Variants in FGF18 observed in about 807,000 individuals in gnomAD.
FGF18 encodes the protein fibroblast growth factor 18.
In FGF18, 5 loss-of-function variants were observed where a neutral mutation model predicts 23.0. The ratio of observed to expected loss-of-function variants is 0.22; its 90% CI spans 0.11 to 0.46. FGF18 has a LOEUF of 0.46. FGF18 is among the 20% of genes least tolerant of loss of function. The pLI is 0.99. For synonymous variants in FGF18, 117 were observed against 118.9 expected (o/e 0.98, Z 0.10); for missense variants, 180 against 291.6 (o/e 0.62, Z 2.79).
intron 3 of FGF18, among the ~76,000 whole-genome samples, chr5:171,439,048 C>T (rs1040907398): frequency 2.0e-5 from 3 of 152,240 alleles, no homozygotes; most frequent in East Asian, 1.9e-4. Flanking sequence ...GATACATCCC[C>T]GTAAACACCT....
chr5:171,446,829 G>T (rs551611494), intron 3 of FGF18, among the ~76,000 whole-genome samples: 6 of 152,036 alleles, frequency 3.9e-5, no homozygotes, highest in Admixed American at 6.5e-5. Flanking sequence ...AACTAGACCC[G>T]GTGAGCCCCA....
chr5:171,430,621 T>C lies in FGF18; in HGVS notation c.70-5472T>C, dbSNP rs890142361. ...GGCTAACAAGGTGAAACCCCGTCTC[T>C]ACTAAAAATACAAAAAATTAGCCGG... On this transcript the variant is annotated intron_variant, in intron 2 of 4. Coordinates refer to ENST00000274625, the MANE Select transcript of FGF18 (RefSeq NM_003862.3). Among the ~76,000 whole-genome samples the C allele has an allele frequency of 2.8e-5, 4 of 144,676 alleles. 2 individuals carry two copies. The highest frequency in any genetic ancestry group is 1.1e-4 in the African/African-American group (4 of 36,366). 94.9% of individuals were successfully genotyped at this position (144,676 alleles called of 152,430 possible).
At chr5:171,445,159 C>T (rs983882483) in intron 3 of FGF18, among the ~76,000 whole-genome samples, 4 of 151,966 alleles carry the variant, frequency 2.6e-5, no homozygotes, top group Admixed American at 6.6e-5. Context: ...GGCAGAGGAA[C>T]GACATGTGCA....
intron 2 of FGF18, among the ~76,000 whole-genome samples, chr5:171,424,996 C>T (rs1370204137): frequency 2.0e-5 from 3 of 152,314 alleles, no homozygotes; most frequent in Admixed American, 6.5e-5. Context: ...GGCAGCCCAT[C>T]GGTCACAGAT....
chr5:171,442,326 A>G (rs1462351320), intron 3 of FGF18, among the ~76,000 whole-genome samples: 4 of 152,052 alleles, frequency 2.6e-5, no homozygotes, highest in Non-Finnish European at 5.9e-5. Flanking sequence ...CTTCTCCTCC[A>G]TTGCCACCTC....
chr5:171,435,833 T>C (rs931608094), intron 2 of FGF18, among the ~76,000 whole-genome samples: 11 of 152,184 alleles, frequency 7.2e-5, no homozygotes, highest in African/African-American at 2.7e-4. Flanking sequence ...GAAGCTTTGT[T>C]GTCGCATAGA....
intron 2 of FGF18, among the ~76,000 whole-genome samples, chr5:171,431,326 C>G (rs534835122): frequency 6.6e-6 from 1 of 152,052 alleles, no homozygotes; most frequent in South Asian, 2.1e-4. Flanking sequence ...TGGCTGTTGT[C>G]CTGGGTAATA....
rs768525232 is a variant in FGF18 at position 171,436,254 on chromosome 5, C to T, written c.231C>T (p.Gly77=). The change falls in exon 3 of 5, where the codon GGC becomes GGT. Residue 77 remains glycine, a synonymous_variant. Coordinates refer to ENST00000274625, the MANE Select transcript of FGF18 (RefSeq NM_003862.3). The surrounding 1 kb of genome is among the most constrained non-coding windows in gnomAD (Gnocchi z 4.4). ...TGGGCCGCAGGATCAGTGCCCGCGG[C>T]GAGGATGGGGACAAGTATGGTATGT... ...QVLGRRISAR[G]EDGDKYAQLL... The T allele has an allele frequency of 1.8e-5, 29 of 1,590,634 alleles. No individual in the cohort carries two copies. The highest frequency in any genetic ancestry group is 4.1e-5 in the African/African-American group (3 of 73,918).
At chr5:171,444,028 C>T (rs1442506941) in intron 3 of FGF18, among the ~76,000 whole-genome samples, 1 of 146,672 alleles carries the variant, frequency 6.8e-6, no homozygotes, top group East Asian at 2.0e-4. Flanking sequence ...TGGCTGTGGT[C>T]GCAGCCCAGC....
chr5:171,453,395 G>A (rs1004762640), intron 4 of FGF18, among the ~76,000 whole-genome samples: 18 of 152,346 alleles, frequency 1.2e-4, no homozygotes, highest in Non-Finnish European at 1.2e-4. Flanking sequence ...TTGAGCCCGC[G>A]TGACTGGCAC....
At position 171,449,245 on chromosome 5, in the gene FGF18, G is replaced by A. The variant is rs765232190; in HGVS notation, c.349G>A (p.Val117Met). ...GTGCATGAACCGCAAAGGCAAGCTCGTGGGGAAGGTGAGTGATGGTTTGGG... is the reference window on the plus strand; with the variant it reads ...GTGCATGAACCGCAAAGGCAAGCTCATGGGGAAGGTGAGTGATGGTTTGGG... ...YLCMNRKGKL[V>M]GKPDGTSKEC... The change falls in exon 4 of 5, where the codon GTG (valine) becomes ATG (methionine). Residue 117 changes from valine (V) to methionine (M), a missense_variant. Coordinates refer to ENST00000274625, the MANE Select transcript of FGF18 (RefSeq NM_003862.3). The A allele has an allele frequency of 4.3e-6, 7 of 1,612,994 alleles. No individual in the cohort carries two copies. Among genetic ancestry groups the A allele is most frequent in the East Asian group, 2.2e-5 (1 of 44,874 alleles).
intron 4 of FGF18, among the ~76,000 whole-genome samples, chr5:171,454,508 C>T (rs1245950523): frequency 6.6e-6 from 1 of 152,258 alleles, no homozygotes; most frequent in Admixed American, 6.6e-5. Context: ...CTGGGTCCCA[C>T]GTGTGTGTCC....
In FGF18 at chr5:171,442,269, T is replaced by C. The variant is rs533914433; in HGVS notation, c.250+5996T>C. Among the ~76,000 whole-genome samples, 4 of 152,274 alleles carry C rather than the reference T, an allele frequency of 2.6e-5. No individual in the cohort carries two copies. In the East Asian group the frequency reaches 7.7e-4, roughly 29 times the overall value. Reference sequence around the variant, plus strand: ...ATACAGCAGAGTGTGTGTGTGTGCCTGGGTGTGTGTGTTACAGTGACAGGG... The same window carrying C: ...ATACAGCAGAGTGTGTGTGTGTGCCCGGGTGTGTGTGTTACAGTGACAGGG... On this transcript the variant is annotated intron_variant, in intron 3 of 4. Transcript: ENST00000274625.
At chr5:171,430,797 AAAAAAAAAAAAAAAAAAAAG>A (rs1353770462) in intron 2 of FGF18, among the ~76,000 whole-genome samples, 4 of 122,730 alleles carry the variant, frequency 3.3e-5, no homozygotes, top group African/African-American at 8.7e-5. Context: ...TCCGTCTCAA[AAAAAAAAAAAAAAAAAAAAG>A]AAAAAAGAGT....
Position 171,436,383 on chromosome 5 carries a change from T to C in FGF18, c.250+110T>C. 1.1e-6 allele frequency: 1 copy of C among 904,392 alleles called. No homozygotes were observed. The allele number at this position is 904,392 out of a possible 1,614,324, so 56.0% of individuals were successfully genotyped here. A position where few individuals can be genotyped will look rare whatever the true frequency, so the allele number is the denominator to read the frequency against. On this transcript the variant is annotated intron_variant, in intron 3 of 4. Transcript: ENST00000274625. This position sits in a 1 kb window ranked among gnomAD's most constrained non-coding sequence, Gnocchi z 4.4. ...CTTGCTGCTCCTGGCTGTGTGATCTTGGACCTGGCACTGACCCTTTCTGGG... is the reference window on the plus strand; with the variant it reads ...CTTGCTGCTCCTGGCTGTGTGATCTCGGACCTGGCACTGACCCTTTCTGGG...
At chr5:171,420,530 T>G in intron 2 of FGF18, 87 bp downstream of exon 2, 7 of 1,292,976 alleles carry the variant, frequency 5.4e-6, no homozygotes, top group Non-Finnish European at 5.6e-6. Context: ...CCCCTCCCTG[T>G]GCCCCACCCC....
intron 2 of FGF18, among the ~76,000 whole-genome samples, chr5:171,435,587 C>T (rs749814366): frequency 6.6e-6 from 1 of 152,222 alleles, no homozygotes; most frequent in East Asian, 1.9e-4. Flanking sequence ...GAAGTCACAG[C>T]GGACTTGGCC....
intron 2 of FGF18, among the ~76,000 whole-genome samples, chr5:171,429,423 A>G (rs886666416): frequency 1.3e-5 from 2 of 152,240 alleles, no homozygotes; most frequent in African/African-American, 4.8e-5. Context: ...TTCACTCTCA[A>G]TGACAGTAAT....
At chr5:171,425,912 A>G (rs2113330483) in intron 2 of FGF18, among the ~76,000 whole-genome samples, 1 of 152,272 alleles carries the variant, frequency 6.6e-6, no homozygotes, top group African/African-American at 2.4e-5. Flanking sequence ...AGAACAAGAG[A>G]GGCACCGGTG....
Sources: allele counts gnomAD v4.1 joint callset (sites outside exome capture counted in the v4.1 genomes callset), GRCh38; gene constraint gnomAD v4.1.1; non-coding constraint Gnocchi (gnomAD v3.1); transcripts MANE v1.5; gene names NCBI Gene and HGNC (gene_info 2026-07-23, HGNC 2026-07-21).